Variants in HNF4G observed in about 807,000 individuals in gnomAD.
The protein encoded by HNF4G is hepatocyte nuclear factor 4-gamma.
HNF4G carries 21 observed loss-of-function variants against 50.9 expected under a neutral mutation model. That is an observed-to-expected ratio of 0.41 (90% CI 0.29 to 0.59). The LOEUF is 0.59. HNF4G is among the 20% of genes least tolerant of loss of function. The pLI, the probability that HNF4G is intolerant of heterozygous loss-of-function variation, is 0.26. For missense variants in HNF4G, 527 were observed against 559.4 expected, an observed-to-expected ratio of 0.94 and a Z score of 0.58; for synonymous variants, 198 against 185.6, an observed-to-expected ratio of 1.07 and a Z score of -0.54.
At chr8:75,471,489 T>A (rs867441758) in intron 1 of HNF4G, among the ~76,000 whole-genome samples, 1 of 152,332 alleles carries the variant, frequency 6.6e-6, no homozygotes, top group South Asian at 2.1e-4. Flanking sequence ...ATAGAGTGTT[T>A]CAGTTTTTTC....
At chr8:75,460,796 G>C (rs1338828811) in intron 1 of HNF4G, among the ~76,000 whole-genome samples, 1 of 152,146 alleles carries the variant, frequency 6.6e-6, no homozygotes, top group Admixed American at 6.6e-5. Flanking sequence ...TTCAATATTG[G>C]AAGAGTTTTC....
At chr8:75,509,268 A>G (rs999052049) in intron 2 of HNF4G, among the ~76,000 whole-genome samples, 17 of 152,152 alleles carry the variant, frequency 1.1e-4, no homozygotes, top group African/African-American at 3.9e-4. Flanking sequence ...GTGAAGAGCT[A>G]AGGACTGAGC....
At chr8:75,546,762 C>T (rs1334316490) in intron 2 of HNF4G, among the ~76,000 whole-genome samples, 1 of 152,050 alleles carries the variant, frequency 6.6e-6, no homozygotes, top group Non-Finnish European at 1.5e-5. Flanking sequence ...TTTTGTTTTT[C>T]TATTATCAGT....
chr8:75,434,007 T>C lies in HNF4G; in HGVS notation c.-144+25845T>C, dbSNP rs544127583. 2.9e-3 allele frequency among the ~76,000 whole-genome samples: 437 copies of C among 148,528 alleles called. 2 individuals are homozygous for C. Among genetic ancestry groups the C allele is most frequent in the African/African-American group, 9.9e-3 (403 of 40,642 alleles). ...AAATAACTTATGTTTCTTTTCTTTT[T>C]TTTTTTTTTTTTTTTGAGACAAAGT... On this transcript the variant is annotated intron_variant, in intron 1 of 10. Coordinates refer to the HNF4G transcript ENST00000354370.
intron 2 of HNF4G, among the ~76,000 whole-genome samples, chr8:75,527,412 A>G (rs559659981): frequency 3.1e-4 from 47 of 152,356 alleles, no homozygotes; most frequent in Middle Eastern, 6.8e-3. Context: ...GGCTCGCAGG[A>G]GCATAGCCCT....
chr8:75,563,430 CAA>C (rs5892499), intron 9 of HNF4G, among the ~76,000 whole-genome samples: 127 of 144,486 alleles, frequency 8.8e-4, no homozygotes, highest in Admixed American at 3.2e-3. Context: ...AATTTTGAAG[CAA>C]AAAAAAAAAA....
chr8:75,409,978 T>C (rs974304943), intron 1 of HNF4G, among the ~76,000 whole-genome samples: 12 of 152,192 alleles, frequency 7.9e-5, no homozygotes, highest in African/African-American at 2.9e-4. Context: ...GACAGTTTTA[T>C]TGTTTTAAAA....
At chr8:75,539,476 T>C (rs1444006246), upstream of HNF4G, among the ~76,000 whole-genome samples, 3 of 152,194 alleles carry the variant, frequency 2.0e-5, no homozygotes, top group East Asian at 1.9e-4. Flanking sequence ...AAAGTGTTTA[T>C]GTGAAATGTT....
At chr8:75,496,380 C>T (rs1448033630) in intron 2 of HNF4G, among the ~76,000 whole-genome samples, 1 of 151,744 alleles carries the variant, frequency 6.6e-6, no homozygotes, top group African/African-American at 2.4e-5. Context: ...TTTTTTTCAA[C>T]TCAGTGGATG....
intron 2 of HNF4G, among the ~76,000 whole-genome samples, chr8:75,519,099 T>C (rs1805972407): frequency 6.6e-6 from 1 of 152,270 alleles, no homozygotes; most frequent in South Asian, 2.1e-4. Context: ...GTGCCATAGA[T>C]CATTTCTCTC....
intron 1 of HNF4G, among the ~76,000 whole-genome samples, chr8:75,427,852 A>G (rs1212410454): frequency 6.6e-6 from 1 of 152,120 alleles, no homozygotes; most frequent in Non-Finnish European, 1.5e-5. Context: ...TTATTAATGC[A>G]AGTGAACCCT....
At chr8:75,425,349 G>A (rs1479304449) in intron 1 of HNF4G, among the ~76,000 whole-genome samples, 2 of 151,502 alleles carry the variant, frequency 1.3e-5, no homozygotes, top group Non-Finnish European at 2.9e-5. Flanking sequence ...TTCCCTAAGT[G>A]CTAAGATTAC....
chr8:75,428,558 A>C (rs540029996), intron 1 of HNF4G, among the ~76,000 whole-genome samples: 1 of 152,208 alleles, frequency 6.6e-6, no homozygotes, highest in Non-Finnish European at 1.5e-5. Flanking sequence ...GAAAGCGCAG[A>C]AAGAGCTTCA....
chr8:75,511,478 T>G (rs1805749152), intron 2 of HNF4G, among the ~76,000 whole-genome samples: 1 of 152,246 alleles, frequency 6.6e-6, no homozygotes, highest in African/African-American at 2.4e-5. Flanking sequence ...AAAATACAAT[T>G]AACACAGTAC....
chr8:75,467,068 G>T (rs1341061707), intron 1 of HNF4G, among the ~76,000 whole-genome samples: 2 of 151,940 alleles, frequency 1.3e-5, no homozygotes, highest in Non-Finnish European at 2.9e-5. Context: ...TCGTTAAATA[G>T]TTCCTTAGAA....
chr8:75,515,679 A>G (rs1487966299), intron 2 of HNF4G, among the ~76,000 whole-genome samples: 1 of 152,184 alleles, frequency 6.6e-6, no homozygotes, highest in Non-Finnish European at 1.5e-5. Flanking sequence ...TCAAACACAG[A>G]GAATAAATTC....
In HNF4G at chr8:75,564,374, T is replaced by C. The variant is rs1171097718; in HGVS notation, c.*278T>C. 3 of 255,938 alleles carry C rather than the reference T, an allele frequency of 1.2e-5. No homozygotes were observed. The highest frequency in any genetic ancestry group is 2.2e-5 in the Non-Finnish European group (3 of 134,818). The allele number at this position is 255,938 out of a possible 1,614,324, so 15.9% of individuals were successfully genotyped here. On this transcript the variant is annotated 3_prime_UTR_variant, in exon 10 of 10. Transcript: ENST00000396423. ...TTGTGCCTGAACCAATTGAATCTTA[T>C]GTATGAGTTTCATTTGTTTTATTAA... is the stretch of plus-strand genomic sequence containing the variant.
chr8:75,449,148 C>T (rs570871893), intron 1 of HNF4G, among the ~76,000 whole-genome samples: 1 of 152,234 alleles, frequency 6.6e-6, no homozygotes, highest in Admixed American at 6.5e-5. Flanking sequence ...ATTTGTATTT[C>T]ACAAGGTTAT....
At chr8:75,474,563 A>G (rs913935833) in intron 1 of HNF4G, among the ~76,000 whole-genome samples, 1 of 152,152 alleles carries the variant, frequency 6.6e-6, no homozygotes, top group African/African-American at 2.4e-5. Flanking sequence ...TCTAATTACA[A>G]ATGTCTGAAA....
Sources: gnomAD v4.1 joint callset for allele counts (sites outside exome capture counted in the v4.1 genomes callset) on GRCh38, gnomAD v4.1.1 for gene constraint, MANE v1.5 for transcripts, NCBI Gene and HGNC (gene_info 2026-07-23, HGNC 2026-07-21) for gene names.